The following WDPCP variants were observed in gnomAD, a reference collection of about 807,000 sequenced individuals.
WDPCP encodes the protein WD repeat containing planar cell polarity effector, also known as WD repeat-containing and planar cell polarity effector protein fritz homolog.
Under a neutral mutation model 93.1 loss-of-function variants are expected in WDPCP, and 71 were observed. That is an observed-to-expected ratio of 0.76 (90% CI 0.63 to 0.93). WDPCP has a LOEUF of 0.93. WDPCP is among the 40% of genes least tolerant of loss of function. The pLI, the probability that WDPCP is intolerant of heterozygous loss-of-function variation, is 0.00. For synonymous variants in WDPCP, 315 were observed against 315.0 expected, an observed-to-expected ratio of 1.00 and a Z score of 0.00; for missense variants, 844 against 887.4, an observed-to-expected ratio of 0.95 and a Z score of 0.62.
upstream of WDPCP, chr2:63,589,470 A>G (rs1012318318): frequency 5.0e-5 from 67 of 1,340,426 alleles, no homozygotes; most frequent in Non-Finnish European, 6.7e-5. Flanking sequence ...TGTCACAGGG[A>G]CCTTGAAAGC....
intron 1 of WDPCP, among the ~76,000 whole-genome samples, chr2:63,562,737 G>A (rs1199164321): frequency 6.6e-6 from 1 of 152,092 alleles, no homozygotes; most frequent in Non-Finnish European, 1.5e-5. Context: ...ATGTACTTGT[G>A]AATTTCAACT....
At chr2:63,122,156 C>T (rs974776833) in intron 17 of WDPCP, 100 bp from the exon 18 acceptor site, 7 of 989,846 alleles carry the variant, frequency 7.1e-6, no homozygotes, top group African/African-American at 1.6e-5. Context: ...AATAGTGAAA[C>T]AAAATAAAAT....
chr2:63,129,799 G>A (rs879000816), intron 17 of WDPCP, among the ~76,000 whole-genome samples: 5 of 151,996 alleles, frequency 3.3e-5, no homozygotes, highest in Admixed American at 2.6e-4. Context: ...TAAATGCGTA[G>A]TATCTGCATA....
chr2:63,550,780 T>C (rs1328665744), intron 1 of WDPCP, among the ~76,000 whole-genome samples: 9 of 80,306 alleles, frequency 1.1e-4, no homozygotes, highest in African/African-American at 6.0e-4. Flanking sequence ...TGTGCATATG[T>C]ACATATATAT....
chr2:63,777,737 CA>C (rs988403095), intron 2 of WDPCP, among the ~76,000 whole-genome samples: 1 of 151,988 alleles, frequency 6.6e-6, no homozygotes, highest in Admixed American at 6.6e-5. Context: ...TGACAAAAGG[CA>C]GATCAGTGGT....
At chr2:63,200,868 A>G (rs964817581) in intron 14 of WDPCP, among the ~76,000 whole-genome samples, 1 of 152,140 alleles carries the variant, frequency 6.6e-6, no homozygotes, top group Non-Finnish European at 1.5e-5. Context: ...TGGGAAGGGT[A>G]GTGGGGAGGT....
chr2:63,579,485 C>T (rs944783798), intron 1 of WDPCP, among the ~76,000 whole-genome samples: 4 of 152,124 alleles, frequency 2.6e-5, no homozygotes, highest in Non-Finnish European at 5.9e-5. Flanking sequence ...TGGCACACAC[C>T]TGTAGTCCCA....
At chr2:63,598,018 C>T (rs1397968783) in intron 3 of WDPCP, 1 of 152,376 alleles carries the variant, frequency 6.6e-6, no homozygotes, top group Admixed American at 6.5e-5. Flanking sequence ...ATATGCTTGT[C>T]TCTTGAAGAA....
chr2:63,642,702 CAT>C (rs1461177419), intron 3 of WDPCP: 1 of 151,866 alleles, frequency 6.6e-6, no homozygotes, highest in Non-Finnish European at 1.5e-5. Flanking sequence ...TTTTTGTGTG[CAT>C]ATGTCTGTGT....
chr2:63,618,847 G>A (rs916353356), intron 3 of WDPCP, among the ~76,000 whole-genome samples: 3 of 151,968 alleles, frequency 2.0e-5, no homozygotes, highest in Admixed American at 1.3e-4. Flanking sequence ...GCACCACCTC[G>A]CCTAGCTAAT....
chr2:63,805,778 A>G (rs983640145), intron 2 of WDPCP, among the ~76,000 whole-genome samples: 4 of 152,254 alleles, frequency 2.6e-5, no homozygotes, highest in African/African-American at 9.6e-5. Flanking sequence ...TTATTAATAC[A>G]GAACTTAGTA....
At chr2:63,694,691 G>C (rs1166011796) in intron 2 of WDPCP, among the ~76,000 whole-genome samples, 1 of 152,040 alleles carries the variant, frequency 6.6e-6, no homozygotes, top group Non-Finnish European at 1.5e-5. Flanking sequence ...TTAAGAGTAG[G>C]AAGCATAAAA....
At chr2:63,220,066 A>T (rs547265854) in intron 14 of WDPCP, among the ~76,000 whole-genome samples, 2 of 152,274 alleles carry the variant, frequency 1.3e-5, no homozygotes, top group East Asian at 3.9e-4. Context: ...GCCTTTGGCG[A>T]CATTGACTGC....
In WDPCP at chr2:63,132,139, TTGA is replaced by T. The variant is rs551451588; in HGVS notation, c.2191-10086_2191-10084del. Reference sequence around the variant, plus strand: ...GTGTGAGCCATCACACCCGGCCCAGTTGATGTTTTTGAATATACTTTCCCATTC... The same window carrying T: ...GTGTGAGCCATCACACCCGGCCCAGTTGTTTTTGAATATACTTTCCCATTC... On this transcript the variant is annotated intron_variant, in intron 17 of 17. Transcript: ENST00000272321. 2.9e-4 allele frequency among the ~76,000 whole-genome samples: 44 copies of T among 152,052 alleles called. 1 individual carries two copies. In the East Asian group the frequency reaches 7.9e-3, roughly 27 times the overall value.
chr2:63,578,217 C>A (rs567788141), intron 1 of WDPCP, among the ~76,000 whole-genome samples: 1 of 152,234 alleles, frequency 6.6e-6, no homozygotes, highest in African/African-American at 2.4e-5. Flanking sequence ...ACTGGAAATC[C>A]TTGTCCCAGT....
chr2:63,201,668 A>G (rs761683529), intron 14 of WDPCP, among the ~76,000 whole-genome samples: 3 of 152,186 alleles, frequency 2.0e-5, no homozygotes, highest in Non-Finnish European at 2.9e-5. Flanking sequence ...AGCCAGGACT[A>G]TTATTGTGGG....
intron 6 of WDPCP, among the ~76,000 whole-genome samples, chr2:63,459,068 G>C (rs961279592): frequency 2.6e-5 from 4 of 152,160 alleles, no homozygotes; most frequent in Non-Finnish European, 5.9e-5. Flanking sequence ...ATATACAGAA[G>C]TCAACTCAAG....
At chr2:63,467,006 T>G (rs976009751) in intron 6 of WDPCP, among the ~76,000 whole-genome samples, 2 of 152,186 alleles carry the variant, frequency 1.3e-5, no homozygotes, top group African/African-American at 4.8e-5. Context: ...TACAAAGATA[T>G]ATTATTAAAA....
In WDPCP at chr2:63,437,747, T is replaced by C. The variant is rs1697234186; in HGVS notation, c.500-193A>G. The C allele has an allele frequency of 3.5e-6, 4 of 1,150,764 alleles. No individual in the cohort carries two copies. In the South Asian group the frequency reaches 5.1e-5, roughly 15 times the overall value. 71.3% of individuals were successfully genotyped at this position (1,150,764 alleles called of 1,614,324 possible). The stretch of plus-strand genomic sequence containing the variant: ...AACAATAATTGTCAATCTAATCATA[T>C]GTGATTTTTTTTCCTGTGACTATTT... On this transcript the variant is annotated intron_variant, in intron 7 of 17. Transcript: ENST00000272321.
Sources: gnomAD v4.1 joint callset for allele counts (sites outside exome capture counted in the v4.1 genomes callset) on GRCh38, gnomAD v4.1.1 for gene constraint, MANE v1.5 for transcripts, NCBI Gene and HGNC (gene_info 2026-07-23, HGNC 2026-07-21) for gene names.